Variants in KIAA1328 observed in about 807,000 individuals in gnomAD.
KIAA1328 encodes the protein protein hinderin.
In KIAA1328, 52 loss-of-function variants were observed where a neutral mutation model predicts 68.1. The ratio of observed to expected loss-of-function variants is 0.76; its 90% CI spans 0.61 to 0.96. The LOEUF (loss-of-function observed/expected upper bound fraction) is 0.96. Ranked by LOEUF, KIAA1328 falls within the 40% of genes least tolerant of loss-of-function variation. The pLI, the probability that KIAA1328 is intolerant of heterozygous loss-of-function variation, is 0.00. For synonymous variants in KIAA1328, 232 were observed against 239.4 expected, an observed-to-expected ratio of 0.97 and a Z score of 0.28; for missense variants, 641 against 677.6, an observed-to-expected ratio of 0.95 and a Z score of 0.60.
intron 6 of KIAA1328, among the ~76,000 whole-genome samples, chr18:37,037,887 G>A (rs2151609835): frequency 6.6e-6 from 1 of 152,282 alleles, no homozygotes; most frequent in Admixed American, 6.5e-5. Flanking sequence ...TGATCACGAG[G>A]TCAGGAGATT....
intron 6 of KIAA1328, among the ~76,000 whole-genome samples, chr18:36,965,792 G>A (rs1221158203): frequency 6.6e-6 from 1 of 150,828 alleles, no homozygotes. Context: ...TCTTTTTAAT[G>A]TGTACTTAAT....
At chr18:36,972,595 A>G (rs1211638414) in intron 6 of KIAA1328, among the ~76,000 whole-genome samples, 1 of 152,216 alleles carries the variant, frequency 6.6e-6, no homozygotes, top group Non-Finnish European at 1.5e-5. Context: ...CAGAGTAGCC[A>G]AGGAAAACAC....
At chr18:37,156,942 G>A (rs2059165583) in intron 7 of KIAA1328, among the ~76,000 whole-genome samples, 1 of 151,978 alleles carries the variant, frequency 6.6e-6, no homozygotes, top group African/African-American at 2.4e-5. Flanking sequence ...TAAGAGGGAA[G>A]AGGACAGGGA....
At chr18:36,856,558 T>C (rs535112344) in intron 4 of KIAA1328, among the ~76,000 whole-genome samples, 3 of 141,316 alleles carry the variant, frequency 2.1e-5, no homozygotes, top group Non-Finnish European at 3.0e-5. Context: ...TATTCTCTAT[T>C]TGTTCAGGTG....
rs772899068 is a variant in KIAA1328 at position 37,173,027 on chromosome 18, G to A, written c.1469G>A (p.Ser490Asn). ...DASTSPMPTG[S>N]LKDFVTTASP... is the part of the protein sequence containing the mutation. ...TCTACATCTCCTATGCCAACAGGAAGCCTAAAGGATTTTGTCACCACAGCC... is the reference window on the plus strand; with the variant it reads ...TCTACATCTCCTATGCCAACAGGAAACCTAAAGGATTTTGTCACCACAGCC... The change falls in exon 9 of 10, where the codon AGC (serine) becomes AAC (asparagine). Residue 490 changes from serine (S) to asparagine (N), a missense_variant. Coordinates refer to ENST00000280020, the MANE Select transcript of KIAA1328 (RefSeq NM_020776.3). 4.3e-6 allele frequency: 7 copies of A among 1,613,516 alleles called. No individual in the cohort carries two copies. The African/African-American group carries it at 9.3e-5, about 22-fold the overall frequency.
intron 8 of KIAA1328, among the ~76,000 whole-genome samples, chr18:37,168,013 ACAT>A (rs2059425403): frequency 6.6e-6 from 1 of 152,218 alleles, no homozygotes; most frequent in Admixed American, 6.5e-5. Context: ...AAAGGATTAT[ACAT>A]CATAACTAAG....
intron 4 of KIAA1328, among the ~76,000 whole-genome samples, chr18:36,862,500 T>G (rs2150893566): frequency 6.6e-6 from 1 of 152,290 alleles, no homozygotes; most frequent in South Asian, 2.1e-4. Context: ...AGCATAATTC[T>G]CTTTAGGTCC....
At chr18:36,862,560 G>C (rs1049844959) in intron 4 of KIAA1328, among the ~76,000 whole-genome samples, 1 of 152,008 alleles carries the variant, frequency 6.6e-6, no homozygotes, top group African/African-American at 2.4e-5. Flanking sequence ...ACTGCTGACT[G>C]GTATTCCATG....
At chr18:37,108,015 G>A (rs2057822625) in intron 7 of KIAA1328, among the ~76,000 whole-genome samples, 1 of 152,214 alleles carries the variant, frequency 6.6e-6, no homozygotes, top group African/African-American at 2.4e-5. Flanking sequence ...CAGCACTCCT[G>A]TTACTGGGTA....
chr18:37,203,871 G>A (rs536404678), intron 9 of KIAA1328, among the ~76,000 whole-genome samples: 73 of 151,174 alleles, frequency 4.8e-4, no homozygotes, highest in Non-Finnish European at 9.3e-4. Context: ...GTGCAGTGGC[G>A]CCATCTCAGC....
chr18:37,037,888 T>G (rs150988254), intron 6 of KIAA1328, among the ~76,000 whole-genome samples: 310 of 152,092 alleles, frequency 2.0e-3, no homozygotes, highest in African/African-American at 7.1e-3. Flanking sequence ...GATCACGAGG[T>G]CAGGAGATTG....
chr18:37,108,778 GTTTTGTTTTT>G (rs1169805606), intron 7 of KIAA1328, among the ~76,000 whole-genome samples: 2 of 151,886 alleles, frequency 1.3e-5, no homozygotes, highest in Admixed American at 1.3e-4. Flanking sequence ...GTTTTGTTTT[GTTTTGTTTTT>G]ATTATTATAC....
chr18:36,850,711 T>G (rs2150839237), intron 4 of KIAA1328, among the ~76,000 whole-genome samples: 1 of 152,272 alleles, frequency 6.6e-6, no homozygotes, highest in African/African-American at 2.4e-5. Flanking sequence ...CTGAGAGGGA[T>G]GCTACATGAC....
At chr18:36,842,618 T>C (rs1026014939) in intron 3 of KIAA1328, among the ~76,000 whole-genome samples, 2 of 152,162 alleles carry the variant, frequency 1.3e-5, no homozygotes, top group African/African-American at 4.8e-5. Flanking sequence ...CTGTAGTTAA[T>C]AGACATTTGC....
Position 37,066,967 on chromosome 18 carries a change from G to C in KIAA1328, c.654G>C (p.Gln218His). ...CCTACTTGAGCATAGCCAGACCACA[G>C]ACCTACTATCAAACCAAGCAAAGAC... ...DGSYLSIARP[Q>H]TYYQTKQRPK... is the part of the protein sequence containing the mutation. The change falls in exon 7 of 10, where the codon CAG (glutamine) becomes CAC (histidine). Residue 218 changes from glutamine to histidine, a missense_variant. By Grantham distance (24) the Gln-to-His change is conservative. Transcript: ENST00000280020. 6.2e-7 allele frequency: 1 copy of C among 1,613,248 alleles called. No homozygotes were observed. The highest frequency in any genetic ancestry group is 8.5e-7 in the Non-Finnish European group (1 of 1,179,494).
chr18:37,084,476 G>GTTTT (rs1174581418), intron 7 of KIAA1328: 3 of 130,250 alleles, frequency 2.3e-5, no homozygotes, highest in Non-Finnish European at 4.6e-5. Context: ...TTTGTTTTTT[G>GTTTT]TTTTTTTTTT....
chr18:37,167,153 G>A (rs556137695), intron 8 of KIAA1328, among the ~76,000 whole-genome samples: 12 of 152,300 alleles, frequency 7.9e-5, no homozygotes, highest in Admixed American at 2.6e-4. Flanking sequence ...TCTAGGGGGA[G>A]CATGCAGATG....
At chr18:36,900,740 G>A (rs531468942) in intron 5 of KIAA1328, among the ~76,000 whole-genome samples, 37 of 151,890 alleles carry the variant, frequency 2.4e-4, no homozygotes, top group Non-Finnish European at 5.0e-4. Context: ...GTGTCTTTAC[G>A]CAGTCCCTAT....
intron 6 of KIAA1328, among the ~76,000 whole-genome samples, chr18:37,039,870 G>C (rs915345354): frequency 1.3e-5 from 2 of 152,114 alleles, no homozygotes; most frequent in African/African-American, 4.8e-5. Flanking sequence ...CTGTTAAACT[G>C]GTCTCTTATT....
Sources: gnomAD v4.1 joint callset for allele counts (sites outside exome capture counted in the v4.1 genomes callset) on GRCh38, gnomAD v4.1.1 for gene constraint, MANE v1.5 for transcripts, NCBI Gene and HGNC (gene_info 2026-07-23, HGNC 2026-07-21) for gene names.